Variants in CILP observed in about 807,000 individuals in gnomAD.
CILP encodes the protein cartilage intermediate layer protein, also known as cartilage intermediate layer protein 1.
In CILP, 75 loss-of-function variants were observed where a neutral mutation model predicts 82.5. The observed-to-expected ratio is 0.91, with a 90% CI of 0.75 to 1.10. The LOEUF (loss-of-function observed/expected upper bound fraction) is 1.10, where lower values mean the gene tolerates loss of function less well. Ranked by LOEUF, CILP falls within the 50% of genes least tolerant of loss-of-function variation. The pLI, the probability that CILP is intolerant of heterozygous loss-of-function variation, is 0.00. For synonymous variants in CILP, 530 were observed against 580.3 expected, an observed-to-expected ratio of 0.91 and a Z score of 1.25; for missense variants, 1,479 against 1,530.8, an observed-to-expected ratio of 0.97 and a Z score of 0.56.
chr15:65,205,225 C>A, intron 5 of CILP, 62 bp downstream of exon 5: 2 of 1,492,888 alleles, frequency 1.3e-6, no homozygotes, highest in South Asian at 2.5e-5. Context: ...CCCTCTAACT[C>A]CCTCCTCATT....
At position 65,197,274 on chromosome 15, in the gene CILP, G is replaced by C. The variant is rs772751749; in HGVS notation, c.3012C>G (p.Ala1004=). The change falls in exon 9 of 9, where the codon GCC becomes GCG. Residue 1004 remains alanine (A), a synonymous_variant. Transcript: ENST00000261883. Reference sequence around the variant, plus strand: ...TCCCACTGCACTTGAACTCCAGACAGGCAGCTGAGACATTGGGCTGGTCCC... The same window carrying C: ...TCCCACTGCACTTGAACTCCAGACACGCAGCTGAGACATTGGGCTGGTCCC... ...RDRDQPNVSA[A]CLEFKCSGML... 9.3e-6 allele frequency: 15 copies of C among 1,613,952 alleles called. No homozygotes were observed. Among genetic ancestry groups the C allele is most frequent in the Non-Finnish European group, 8.5e-7 (1 of 1,179,980 alleles).
chr15:65,198,014 C>T lies in CILP; in HGVS notation c.2272G>A (p.Ala758Thr), dbSNP rs749281045. Residue 758 changes from alanine (A) to threonine (T), a missense_variant, in exon 9 of 9, where the codon GCC becomes ACC. Ala to Thr is a moderately conservative substitution (Grantham distance 58). Coordinates refer to ENST00000261883, the MANE Select transcript of CILP (RefSeq NM_003613.4). ...ESRRCFVKVR[A>T]YRSERFLPSE... ...GGCAAGAACCTCTCACTCCGGTAGGCCCTCACCTTAACAAAGCACCGCCTG... is the reference window on the plus strand; with the variant it reads ...GGCAAGAACCTCTCACTCCGGTAGGTCCTCACCTTAACAAAGCACCGCCTG... 1.2e-6 allele frequency: 2 copies of T among 1,614,260 alleles called. No homozygotes were observed. Among genetic ancestry groups the T allele is most frequent in the Non-Finnish European group, 1.7e-6 (2 of 1,180,038 alleles).
chr15:65,203,029 G>T (rs1006576450), intron 7 of CILP, among the ~76,000 whole-genome samples: 1 of 151,850 alleles, frequency 6.6e-6, no homozygotes, highest in African/African-American at 2.4e-5. Flanking sequence ...TAGAGACAGG[G>T]CTTTACTATG....
In CILP at chr15:65,207,655, C is replaced by T. The variant is rs2088533141; in HGVS notation, c.154+17G>A. 4 of 1,612,242 alleles carry T rather than the reference C, an allele frequency of 2.5e-6. No homozygotes were observed. Among genetic ancestry groups the T allele is most frequent in the Non-Finnish European group, 2.5e-6 (3 of 1,178,306 alleles). The stretch of plus-strand genomic sequence containing the variant: ...AGGCTGCCCCTCCAGCCCCTCCCTG[C>T]TTCAGCCACAACTCACTCTCCAGGG... On this transcript the variant is annotated intron_variant, in intron 3 of 8. Transcript: ENST00000261883.
intron 2 of CILP, among the ~76,000 whole-genome samples, chr15:65,208,917 C>T (rs2088552377): frequency 6.6e-6 from 1 of 150,448 alleles, no homozygotes; most frequent in South Asian, 2.1e-4. Context: ...GAGGCAGGCA[C>T]ATACAGGGGT....
At chr15:65,202,223 C>T (rs1017369820) in intron 7 of CILP, among the ~76,000 whole-genome samples, 194 bp from the exon 8 acceptor site, 16 of 152,164 alleles carry the variant, frequency 1.1e-4, no homozygotes, top group Admixed American at 9.8e-4. Context: ...AGTCCCAGCC[C>T]TACCACGTAC....
rs773420991 is a variant in CILP, at chr15:65,197,524, C to T, written c.2762G>A (p.Arg921Gln). Reference sequence around the variant, plus strand: ...GAAGGGGACTGTGTTGTAGTCATATCGATCCCCCTCAATCTGGTAGAACCG... The same window carrying T: ...GAAGGGGACTGTGTTGTAGTCATATTGATCCCCCTCAATCTGGTAGAACCG... Reference protein sequence around the residue: ...HFRFYQIEGDRYDYNTVPFNE... With the variant: ...HFRFYQIEGDQYDYNTVPFNE... Residue 921 changes from arginine (R) to glutamine (Q), a missense_variant, in exon 9 of 9, where the codon CGA (arginine) becomes CAA (glutamine). Physicochemically the swap from Arg to Gln is conservative, Grantham distance 43. Coordinates refer to ENST00000261883, the MANE Select transcript of CILP (RefSeq NM_003613.4). The T allele has an allele frequency of 2.5e-5, 40 of 1,614,092 alleles. No homozygotes were observed. In the South Asian group the frequency reaches 2.6e-4, roughly 11 times the overall value.
chr15:65,198,020 C>G lies in CILP; in HGVS notation c.2266G>C (p.Val756Leu), dbSNP rs1352908621. The stretch of plus-strand genomic sequence containing the variant: ...AACCTCTCACTCCGGTAGGCCCTCA[C>G]CTTAACAAAGCACCGCCTGCTTTCA... ...VPESRRCFVK[V>L]RAYRSERFLP... is the part of the protein sequence containing the mutation. Residue 756 changes from valine to leucine, a missense_variant, in exon 9 of 9, where the codon GTG (valine) becomes CTG (leucine). Physicochemically the swap from Val to Leu is conservative, Grantham distance 32. Coordinates refer to ENST00000261883, the MANE Select transcript of CILP (RefSeq NM_003613.4). The G allele has an allele frequency of 6.2e-7, 1 of 1,614,248 alleles. No individual in the cohort carries two copies. The highest frequency in any genetic ancestry group is 2.2e-5 in the East Asian group (1 of 44,886).
In CILP at chr15:65,206,819, G is replaced by C; in HGVS notation, c.387C>G (p.Asn129Lys). The change falls in exon 4 of 9, where the codon AAC becomes AAG. Residue 129 changes from asparagine to lysine, a missense_variant. Physicochemically the swap from Asn to Lys is moderately conservative, Grantham distance 94 (BLOSUM62 0). Transcript: ENST00000261883. Reference sequence around the variant, plus strand: ...GGAAGCGTACGGTGTAATTAGAGCAGTTCTGGCCAGGCCGCTGCTCCCTGT... The same window carrying C: ...GGAAGCGTACGGTGTAATTAGAGCACTTCTGGCCAGGCCGCTGCTCCCTGT... The part of the protein sequence containing the change: ...CLNREQRPGQ[N>K]CSNYTVRFLC... 6.2e-7 allele frequency: 1 copy of C among 1,614,038 alleles called. No individual in the cohort carries two copies.
rs1328890049 is a variant in CILP at position 65,196,296 on chromosome 15, A to G, written c.*435T>C. 1 of 157,338 alleles carries G rather than the reference A, an allele frequency of 6.4e-6. No homozygotes were observed. Among genetic ancestry groups the G allele is most frequent in the Non-Finnish European group, 1.4e-5 (1 of 71,768 alleles). 9.7% of individuals were successfully genotyped at this position (157,338 alleles called of 1,614,324 possible). A position where few individuals can be genotyped will look rare whatever the true frequency, so the allele number is the denominator to read the frequency against. On this transcript the variant is annotated 3_prime_UTR_variant, in exon 9 of 9. Coordinates refer to ENST00000261883, the MANE Select transcript of CILP (RefSeq NM_003613.4). Reference sequence around the variant, plus strand: ...TTATTTCTTTATTTCACCACCATTTATATGTATGAACTATGATCAAGGCTT... The same window carrying G: ...TTATTTCTTTATTTCACCACCATTTGTATGTATGAACTATGATCAAGGCTT...
chr15:65,210,080 A>G (rs1487798151), intron 1 of CILP, among the ~76,000 whole-genome samples: 2 of 152,140 alleles, frequency 1.3e-5, no homozygotes, highest in Non-Finnish European at 2.9e-5. Flanking sequence ...GGTAGGCTCC[A>G]GGGCCCCACA....
chr15:65,197,036 G>A lies in CILP; in HGVS notation c.3250C>T (p.Pro1084Ser), dbSNP rs368226963. 2 of 1,614,072 alleles carry A rather than the reference G, an allele frequency of 1.2e-6. No homozygotes were observed. Among genetic ancestry groups the A allele is most frequent in the Non-Finnish European group, 1.7e-6 (2 of 1,180,052 alleles). ...YGIYTVTDQD[P>S]RTAKEIALGR... ...AGCGCGATCTCCTTGGCCGTGCGAG[G>A]GTCCTGGTCAGTGACAGTGTAGATG... The change falls in exon 9 of 9, where the codon CCT (proline) becomes TCT (serine). Residue 1084 changes from proline (P) to serine (S), a missense_variant. Coordinates refer to ENST00000261883, the MANE Select transcript of CILP (RefSeq NM_003613.4).
At position 65,197,296 on chromosome 15, in the gene CILP, T is replaced by A. The variant is rs998424675; in HGVS notation, c.2990A>T (p.Asp997Val). 1 of 1,614,060 alleles carries A rather than the reference T, an allele frequency of 6.2e-7. No individual in the cohort carries two copies. Among genetic ancestry groups the A allele is most frequent in the African/African-American group, 1.3e-5 (1 of 75,040 alleles). Residue 997 changes from aspartate (D) to valine (V), a missense_variant, in exon 9 of 9, where the codon GAC becomes GTC. By Grantham distance (152) the Asp-to-Val change is radical. Coordinates refer to ENST00000261883, the MANE Select transcript of CILP (RefSeq NM_003613.4). ...ACAGGCAGCTGAGACATTGGGCTGG[T>A]CCCTGTCCCGAGTGCTCCTCACATC... Reference protein sequence around the residue: ...IRDVRSTRDRDQPNVSAACLE... With the variant: ...IRDVRSTRDRVQPNVSAACLE...
chr15:65,197,347 G>A lies in CILP; in HGVS notation c.2939C>T (p.Thr980Ile), dbSNP rs2088381337. ...SRNMGGTHRQTVGKLYGIRDV... is the reference protein window; with the variant it reads ...SRNMGGTHRQIVGKLYGIRDV... ...TCGGATTCCATACAGCTTCCCCACTGTCTGCCGATGAGTGCCCCCCATGTT... is the reference window on the plus strand; with the variant it reads ...TCGGATTCCATACAGCTTCCCCACTATCTGCCGATGAGTGCCCCCCATGTT... Residue 980 changes from threonine (T) to isoleucine (I), a missense_variant, in exon 9 of 9, where the codon ACA (threonine) becomes ATA (isoleucine). By Grantham distance (89) the Thr-to-Ile change is moderately conservative. Transcript: ENST00000261883. 4 of 1,614,048 alleles carry A rather than the reference G, an allele frequency of 2.5e-6. No individual in the cohort carries two copies. Among genetic ancestry groups the A allele is most frequent in the Non-Finnish European group, 3.4e-6 (4 of 1,180,028 alleles).
In CILP at chr15:65,197,537, T is replaced by G. The variant is rs1268806562; in HGVS notation, c.2749A>C (p.Ile917Leu). 1.9e-6 allele frequency: 3 copies of G among 1,614,082 alleles called. No individual in the cohort carries two copies. Among genetic ancestry groups the G allele is most frequent in the African/African-American group, 1.3e-5 (1 of 74,934 alleles). Residue 917 changes from isoleucine to leucine, a missense_variant, in exon 9 of 9, where the codon ATT (isoleucine) becomes CTT (leucine). Coordinates refer to ENST00000261883, the MANE Select transcript of CILP (RefSeq NM_003613.4). The part of the protein sequence containing the change: ...PSAAHFRFYQ[I>L]EGDRYDYNTV... ...TTGTAGTCATATCGATCCCCCTCAA[T>G]CTGGTAGAACCGGAAGTGGGCTGCA...
In CILP at chr15:65,197,016, G is replaced by T; in HGVS notation, c.3270C>A (p.Ile1090=). 2 of 1,614,178 alleles carry T rather than the reference G, an allele frequency of 1.2e-6. No individual in the cohort carries two copies. Among genetic ancestry groups the T allele is most frequent in the Middle Eastern group, 1.6e-4 (1 of 6,062 alleles). Residue 1090 remains isoleucine, a synonymous_variant, in exon 9 of 9, where the codon ATC becomes ATA. Transcript: ENST00000261883. The part of the protein sequence containing the change: ...TDQDPRTAKE[I]ALGRCFDGTS... ...TGCCATCAAAGCACCGGCCGAGCGCGATCTCCTTGGCCGTGCGAGGGTCCT... is the reference window on the plus strand; with the variant it reads ...TGCCATCAAAGCACCGGCCGAGCGCTATCTCCTTGGCCGTGCGAGGGTCCT...
At chr15:65,201,807 C>A in intron 8 of CILP, 65 bp downstream of exon 8, 2 of 1,168,242 alleles carry the variant, frequency 1.7e-6, no homozygotes, top group Non-Finnish European at 2.3e-6. Context: ...CATAGTTATG[C>A]CCACCTGGGT....
In CILP at chr15:65,207,052, C is replaced by T; in HGVS notation, c.155-1G>A. ...AACCATGTTGTCCACTCACCAGGGC[C>T]TGAGAGACATAGCCAAATTGCGGAG... On this transcript the variant is annotated splice_acceptor_variant, in intron 3 of 8. Transcript: ENST00000261883. LOFTEE classifies it high-confidence loss of function. 5.6e-6 allele frequency: 9 copies of T among 1,608,878 alleles called. No homozygotes were observed. The highest frequency in any genetic ancestry group is 7.6e-6 in the Non-Finnish European group (9 of 1,176,874).
rs2088352384 is a variant in CILP at position 65,195,659 on chromosome 15, G to T, written c.*1072C>A. ...GCCCAGCTGGAGAAGGCAACAGGCT[G>T]TTGGGAGAGCCAAAGGACCACTTGG... is the stretch of plus-strand genomic sequence containing the variant. On this transcript the variant is annotated 3_prime_UTR_variant, in exon 9 of 9. Coordinates refer to ENST00000261883, the MANE Select transcript of CILP (RefSeq NM_003613.4). 6.6e-6 allele frequency: 1 copy of T among 152,228 alleles called. No individual in the cohort carries two copies. The highest frequency in any genetic ancestry group is 2.1e-4 in the South Asian group (1 of 4,834). 9.4% of individuals were successfully genotyped at this position (152,228 alleles called of 1,614,324 possible).
Sources: gnomAD v4.1 joint callset for allele counts (sites outside exome capture counted in the v4.1 genomes callset) on GRCh38, gnomAD v4.1.1 for gene constraint, MANE v1.5 for transcripts, NCBI Gene and HGNC (gene_info 2026-07-23, HGNC 2026-07-21) for gene names.